Variants in ZDHHC21 observed in about 807,000 individuals in gnomAD.
ZDHHC21 encodes the protein palmitoyltransferase ZDHHC21.
A neutral mutation model predicts 34.6 loss-of-function variants in ZDHHC21; 15 were observed. The ratio of observed to expected loss-of-function variants is 0.43; its 90% CI spans 0.29 to 0.67. The LOEUF is 0.67. Among genes scored for constraint, ZDHHC21 ranks in the 30% least tolerant of loss-of-function variants. The pLI is 0.14. For synonymous variants in ZDHHC21, 142 were observed against 101.8 expected, an observed-to-expected ratio of 1.40 and a Z score of -2.38; for missense variants, 344 against 327.7, an observed-to-expected ratio of 1.05 and a Z score of -0.38.
the ZDHHC21 span, among the ~76,000 whole-genome samples, chr9:14,594,575 T>C: frequency 6.6e-6 from 1 of 152,090 alleles, no homozygotes; most frequent in East Asian, 1.9e-4. Context: ...TGGATCACAG[T>C]AGATATAAAT....
At chr9:14,626,954 T>C (rs921163304) in intron 8 of ZDHHC21, among the ~76,000 whole-genome samples, 5 of 152,038 alleles carry the variant, frequency 3.3e-5, no homozygotes, top group African/African-American at 9.7e-5. Context: ...AAGACAAAAA[T>C]GCCTTACAGA....
chr9:14,643,469 T>C (rs760470770), intron 7 of ZDHHC21, among the ~76,000 whole-genome samples: 15 of 152,218 alleles, frequency 9.9e-5, no homozygotes, highest in Non-Finnish European at 2.1e-4. Context: ...GCTCTGAAAC[T>C]ACCCTATTCA....
chr9:14,630,884 A>G (rs1050226175), intron 8 of ZDHHC21, among the ~76,000 whole-genome samples: 1 of 152,232 alleles, frequency 6.6e-6, no homozygotes, highest in African/African-American at 2.4e-5. Context: ...CATGCTGTAA[A>G]CAGATGTGGC....
intron 3 of ZDHHC21, among the ~76,000 whole-genome samples, chr9:14,677,782 T>C (rs991356224): frequency 6.6e-6 from 1 of 152,118 alleles, no homozygotes; most frequent in South Asian, 2.1e-4. Flanking sequence ...ATATTTATAA[T>C]GTTCAACTTA....
intron 3 of ZDHHC21, among the ~76,000 whole-genome samples, chr9:14,678,991 G>A (rs1234116797): frequency 6.6e-6 from 1 of 152,040 alleles, no homozygotes; most frequent in East Asian, 1.9e-4. Context: ...AAGAGACAGG[G>A]ATAGAGACAG....
chr9:14,596,229 G>C, the ZDHHC21 span, among the ~76,000 whole-genome samples: 1 of 152,212 alleles, frequency 6.6e-6, no homozygotes, highest in African/African-American at 2.4e-5. Context: ...ATTTGGCTCA[G>C]CAACAAAATG....
chr9:14,592,579 A>G, the ZDHHC21 span, among the ~76,000 whole-genome samples: 17,865 of 152,148 alleles, frequency 0.12, 1,109 homozygotes, highest in Non-Finnish European at 0.14. Flanking sequence ...TAAAGATTTC[A>G]ATACCCCATT....
chr9:14,589,313 A>T, the ZDHHC21 span: 1 of 152,328 alleles, frequency 6.6e-6, no homozygotes, highest in Admixed American at 6.5e-5. Context: ...TGAAACCACC[A>T]TTCTCACACA....
intron 2 of ZDHHC21, among the ~76,000 whole-genome samples, chr9:14,686,980 C>CAA (rs35113029): frequency 0.01 from 1,427 of 142,646 alleles, 22 homozygotes; most frequent in Non-Finnish European, 0.012. Flanking sequence ...CTCAAAAAAA[C>CAA]AAAAAAAAAA....
intron 3 of ZDHHC21, among the ~76,000 whole-genome samples, chr9:14,675,823 G>A (rs1786584508): frequency 1.3e-5 from 2 of 151,980 alleles, no homozygotes; most frequent in South Asian, 4.1e-4. Flanking sequence ...ACTGTAAGAA[G>A]TGAAACCTGA....
intron 5 of ZDHHC21, among the ~76,000 whole-genome samples, chr9:14,668,815 C>T (rs1834958632): frequency 7.6e-6 from 1 of 132,018 alleles, no homozygotes; most frequent in Non-Finnish European, 1.6e-5. Context: ...GAAGCTGAAA[C>T]TGGATCCCTT....
At chr9:14,649,558 C>A (rs893498017) in intron 7 of ZDHHC21, among the ~76,000 whole-genome samples, 14 of 152,008 alleles carry the variant, frequency 9.2e-5, no homozygotes, top group Non-Finnish European at 2.1e-4. Context: ...CTCCACTTCC[C>A]AACCCAACGC....
chr9:14,645,210 T>C (rs1323144266), intron 7 of ZDHHC21, among the ~76,000 whole-genome samples: 1 of 152,010 alleles, frequency 6.6e-6, no homozygotes, highest in African/African-American at 2.4e-5. Flanking sequence ...ACATTTCTTA[T>C]AAAACCACAG....
At chr9:14,658,448 G>C (rs942271400) in intron 7 of ZDHHC21, among the ~76,000 whole-genome samples, 1 of 139,830 alleles carries the variant, frequency 7.2e-6, no homozygotes, top group Admixed American at 7.3e-5. Context: ...TCTAATGTTA[G>C]TGGATATAAA....
intron 7 of ZDHHC21, among the ~76,000 whole-genome samples, chr9:14,655,918 G>A (rs1366318556): frequency 6.6e-6 from 1 of 151,600 alleles, no homozygotes; most frequent in Non-Finnish European, 1.5e-5. Context: ...CAGTAATCAA[G>A]ATAGGTTGAA....
chr9:14,631,101 G>C (rs981598451), intron 8 of ZDHHC21, among the ~76,000 whole-genome samples: 4 of 152,228 alleles, frequency 2.6e-5, no homozygotes, highest in African/African-American at 4.8e-5. Context: ...TGTAGCCACA[G>C]AAGTCCTACA....
At chr9:14,671,948 A>G (rs1214117643) in intron 5 of ZDHHC21, among the ~76,000 whole-genome samples, 2 of 152,162 alleles carry the variant, frequency 1.3e-5, no homozygotes, top group Admixed American at 6.5e-5. Flanking sequence ...TTCAAGTAAT[A>G]TAAACAAACA....
At chr9:14,677,691 C>T (rs1587415091) in intron 3 of ZDHHC21, among the ~76,000 whole-genome samples, 1 of 152,026 alleles carries the variant, frequency 6.6e-6, no homozygotes, top group Non-Finnish European at 1.5e-5. Flanking sequence ...TAGTTGACTA[C>T]AGTGACTAAA....
chr9:14,602,058 G>A, the ZDHHC21 span, among the ~76,000 whole-genome samples: 1 of 151,972 alleles, frequency 6.6e-6, no homozygotes, highest in South Asian at 2.1e-4. Context: ...GTGACGGGTT[G>A]ATGGGTGCAG....
Sources: gnomAD v4.1 joint callset for allele counts (sites outside exome capture counted in the v4.1 genomes callset) on GRCh38, gnomAD v4.1.1 for gene constraint, MANE v1.5 for transcripts, NCBI Gene and HGNC (gene_info 2026-07-23, HGNC 2026-07-21) for gene names.